The following CD200 variants were observed in gnomAD, a reference collection of about 807,000 sequenced individuals.
CD200 encodes the protein CD200 molecule.
A neutral mutation model predicts 30.9 loss-of-function variants in CD200; 15 were observed. The ratio of observed to expected loss-of-function variants is 0.49; its 90% confidence interval spans 0.32 to 0.75. CD200 has a LOEUF of 0.75. Ranked by LOEUF, CD200 falls within the 30% of genes least tolerant of loss-of-function variation. The pLI is 0.03. For synonymous variants in CD200, 134 were observed against 126.2 expected (o/e 1.06, Z -0.41); for missense variants, 262 against 324.2 (o/e 0.81, Z 1.47).
At chr3:112,333,146 C>T, upstream of CD200, 1 of 1,545,160 alleles carries the variant, frequency 6.5e-7, no homozygotes, top group Non-Finnish European at 8.7e-7. Flanking sequence ...GCTCCTCCCG[C>T]CTGCCTAGCA....
intron 1 of CD200, among the ~76,000 whole-genome samples, chr3:112,334,493 T>C (rs1008957455): frequency 2.0e-5 from 3 of 152,238 alleles, no homozygotes; most frequent in African/African-American, 7.2e-5. Context: ...TCATAATAAC[T>C]ATGTGAGATA....
intron 5 of CD200, among the ~76,000 whole-genome samples, chr3:112,351,635 A>G (rs913914577): frequency 1.3e-5 from 2 of 152,136 alleles, no homozygotes; most frequent in African/African-American, 4.8e-5. Context: ...CCATTTACTG[A>G]TGATGTCTTC....
chr3:112,335,982 A>G (rs202016458), intron 1 of CD200: 8 of 1,612,622 alleles, frequency 5.0e-6, no homozygotes, highest in Non-Finnish European at 5.9e-6. Flanking sequence ...CCTTACAGCT[A>G]CACTCCTAGG....
intron 5 of CD200, among the ~76,000 whole-genome samples, chr3:112,355,904 T>G (rs1449863672): frequency 3.2e-5 from 3 of 95,070 alleles, no homozygotes; most frequent in Non-Finnish European, 6.4e-5. Context: ...CAGTACAATT[T>G]AATTTGAATA....
intron 5 of CD200, among the ~76,000 whole-genome samples, chr3:112,358,955 G>T (rs1236045486): frequency 1.4e-5 from 2 of 147,002 alleles, no homozygotes; most frequent in Non-Finnish European, 3.0e-5. Context: ...GAAACAAAAC[G>T]AAAGTATATT....
At chr3:112,337,224 C>T (rs2081138169) in intron 1 of CD200, among the ~76,000 whole-genome samples, 1 of 152,136 alleles carries the variant, frequency 6.6e-6, no homozygotes, top group Non-Finnish European at 1.5e-5. Flanking sequence ...ACCCCTTTGG[C>T]ACTGGAGGAA....
chr3:112,347,947 G>A, intron 4 of CD200, 117 bp downstream of exon 4: 4 of 877,002 alleles, frequency 4.6e-6, no homozygotes, highest in South Asian at 1.9e-5. Context: ...AGAAAGAATG[G>A]GGCAAATAAG....
intron 2 of CD200, among the ~76,000 whole-genome samples, chr3:112,341,646 T>C (rs898041950): frequency 6.6e-6 from 1 of 152,144 alleles, no homozygotes; most frequent in Admixed American, 6.5e-5. Flanking sequence ...ACAACATTCA[T>C]CACAGGACTT....
At chr3:112,357,278 AG>A (rs1436414470) in intron 5 of CD200, among the ~76,000 whole-genome samples, 7 of 150,674 alleles carry the variant, frequency 4.6e-5, no homozygotes, top group African/African-American at 1.2e-4. Context: ...AAAAAAAGAA[AG>A]AAAGAAAGAA....
rs1374146263 is a variant in CD200, at chr3:112,345,276, C to G, written c.409C>G (p.Leu137Val). Residue 137 changes from leucine (L) to valine (V), a missense_variant, in exon 3 of 6, where the codon CTC becomes GTC. Leu to Val is a conservative substitution (Grantham distance 32). Transcript: ENST00000315711. ...GFGKISGTAC[L>V]TVYVQPIVSL... The stretch of plus-strand genomic sequence containing the variant: ...TGGGAAGATCTCAGGAACGGCCTGC[C>G]TCACCGTCTATGGTGAGAATCTCTG... 1 of 1,612,362 alleles carries G rather than the reference C, an allele frequency of 6.2e-7. No homozygotes were observed.
chr3:112,358,873 C>A (rs537694743), intron 5 of CD200, among the ~76,000 whole-genome samples: 4 of 151,714 alleles, frequency 2.6e-5, no homozygotes, highest in Admixed American at 2.0e-4. Context: ...TCATAGATTA[C>A]CCAATCCAAC....
intron 3 of CD200, among the ~76,000 whole-genome samples, chr3:112,346,113 G>A (rs989355473): frequency 2.0e-5 from 3 of 152,062 alleles, no homozygotes; most frequent in African/African-American, 4.8e-5. Context: ...AGGGAGATAG[G>A]ACAATGCCAA....
At chr3:112,355,146 G>A (rs897453831) in intron 5 of CD200, among the ~76,000 whole-genome samples, 2 of 152,178 alleles carry the variant, frequency 1.3e-5, no homozygotes, top group African/African-American at 4.8e-5. Context: ...GGGTGTGGGA[G>A]TGACTTACTT....
rs187330365 is a variant in CD200 at position 112,349,076 on chromosome 3, A to G, written c.695-636A>G. Reference sequence around the variant, plus strand: ...TGTTCAGTTAAATAATGATGTGACGAATCCCATTATGGAGGTATGGAGAAG... The same window carrying G: ...TGTTCAGTTAAATAATGATGTGACGGATCCCATTATGGAGGTATGGAGAAG... On this transcript the variant is annotated intron_variant, in intron 4 of 5. Coordinates refer to ENST00000315711, the MANE Select transcript of CD200 (RefSeq NM_005944.7). Among the ~76,000 whole-genome samples the G allele has an allele frequency of 1.1e-4, 17 of 152,340 alleles. No individual in the cohort carries two copies. In the East Asian group the frequency reaches 3.3e-3, roughly 29 times the overall value.
rs566286489 is a variant in CD200 at position 112,358,832 on chromosome 3, T to C, written c.803-2711T>C. On this transcript the variant is annotated intron_variant, in intron 5 of 5. Transcript: ENST00000315711. ...CTCTATTCCATATGTTTTAAACTTA[T>C]CTTACTATTTTTGTTCCCTCATACC... is the stretch of plus-strand genomic sequence containing the variant. 8.5e-5 allele frequency among the ~76,000 whole-genome samples: 13 copies of C among 152,352 alleles called. No homozygotes were observed. The East Asian group carries it at 2.5e-3, about 29-fold the overall frequency.
rs201653701 is a variant in CD200 at position 112,359,900 on chromosome 3, AGG to A, written c.803-1641_803-1640del. ...GGATACCAGTTACTTGGATTTTGTT[AGG>A]GAAGGCTTCGCTGAGGTGGTGACTT... On this transcript the variant is annotated intron_variant, in intron 5 of 5. Coordinates refer to ENST00000315711, the MANE Select transcript of CD200 (RefSeq NM_005944.7). Among the ~76,000 whole-genome samples, 979 of 152,348 alleles carry A rather than the reference AGG, an allele frequency of 6.4e-3. 24 individuals are homozygous for A. The highest frequency in any genetic ancestry group is 0.031 in the Admixed American group (481 of 15,302).
At chr3:112,353,940 A>G (rs932115925) in intron 5 of CD200, among the ~76,000 whole-genome samples, 1 of 152,226 alleles carries the variant, frequency 6.6e-6, no homozygotes. Context: ...AAGAATCTTC[A>G]TTGAACTGCT....
rs759097771 is a variant in CD200, at chr3:112,333,218, G to A, written c.6G>A (p.Glu2=). Residue 2 remains glutamate (E), a synonymous_variant, in exon 1 of 6, where the codon GAG becomes GAA. Coordinates refer to ENST00000315711, the MANE Select transcript of CD200 (RefSeq NM_005944.7). ...GCGCGCCTCCAGGAGCAAGGATGGA[G>A]AGGCTGGTGAGCGGGGCCGGGGCTT... is the stretch of plus-strand genomic sequence containing the variant. The part of the protein sequence containing the change: M[E]RLVIRMPFSH... 3.2e-6 allele frequency: 5 copies of A among 1,550,240 alleles called. No homozygotes were observed. In the South Asian group the frequency reaches 3.6e-5, roughly 11 times the overall value.
At chr3:112,351,243 T>C (rs1389164065) in intron 5 of CD200, among the ~76,000 whole-genome samples, 1 of 152,232 alleles carries the variant, frequency 6.6e-6, no homozygotes, top group African/African-American at 2.4e-5. Flanking sequence ...TCATTACTGA[T>C]GCCCCAATGT....
Sources: gnomAD v4.1 joint callset for allele counts (sites outside exome capture counted in the v4.1 genomes callset) on GRCh38, gnomAD v4.1.1 for gene constraint, MANE v1.5 for transcripts, NCBI Gene and HGNC (gene_info 2026-07-23, HGNC 2026-07-21) for gene names.